The following ATRX variants were observed in gnomAD, a reference collection of about 807,000 sequenced individuals.
ATRX encodes the protein ATRX chromatin remodeler, also known as chromatin remodeler ATRX.
A neutral mutation model predicts 172.6 loss-of-function variants in ATRX; 12 were observed. The ratio of observed to expected loss-of-function variants is 0.07; its 90% CI spans 0.04 to 0.11. The LOEUF (loss-of-function observed/expected upper bound fraction) is 0.11, where lower values mean the gene tolerates loss of function less well. Among genes scored for constraint, ATRX ranks in the 10% least tolerant of loss-of-function variants. ATRX has a pLI of 1.00. For synonymous variants in ATRX, 674 were observed against 594.7 expected, an observed-to-expected ratio of 1.13 and a Z score of -1.94; for missense variants, 1,368 against 1,767.4, an observed-to-expected ratio of 0.77 and a Z score of 4.05.
chrX:77,567,954 T>C (rs112456078), intron 28 of ATRX, among the ~76,000 whole-genome samples: 4 of 111,244 alleles, frequency 3.6e-5, no homozygotes, highest in Admixed American at 9.6e-5. Context: ...AGATGAATTC[T>C]GAAATAAAAA....
chrX:77,604,197 G>T (rs2066805595), intron 22 of ATRX, among the ~76,000 whole-genome samples: 3 of 112,129 alleles, frequency 2.7e-5, no homozygotes. Flanking sequence ...ATAATTAACT[G>T]AGTGAACAAA....
In ATRX at chrX:77,558,652, G is replaced by T. The variant is rs2273322; in HGVS notation, c.6504+17C>A. ...TCACATAAACTTTCAATATGAAAAA[G>T]AGAATTATAAACCTACCTGAGCTAA... On this transcript the variant is annotated intron_variant, in intron 29 of 34. Coordinates refer to ENST00000373344, the MANE Select transcript of ATRX (RefSeq NM_000489.6). 9.3e-5 allele frequency: 107 copies of T among 1,156,329 alleles called. No individual in the cohort carries two copies. In the East Asian group the frequency reaches 3.1e-3, roughly 34 times the overall value.
intron 28 of ATRX, among the ~76,000 whole-genome samples, chrX:77,565,844 AC>A (rs1258105184): frequency 1.8e-5 from 2 of 108,113 alleles, no homozygotes; most frequent in Non-Finnish European, 3.8e-5. Flanking sequence ...CGAGAGTGAG[AC>A]CCTGTCTCAA....
chrX:77,588,783 A>T (rs941863942), intron 27 of ATRX, among the ~76,000 whole-genome samples: 1 of 111,856 alleles, frequency 8.9e-6, no homozygotes, highest in African/African-American at 3.2e-5. Context: ...CAAAAAGATA[A>T]GCAATCCAAT....
intron 1 of ATRX, among the ~76,000 whole-genome samples, chrX:77,719,211 G>T (rs2073611774): frequency 9.0e-6 from 1 of 111,205 alleles, no homozygotes. Flanking sequence ...TCTCATGAGG[G>T]TCTGGTAACC....
At chrX:77,554,460 C>T (rs1557057989) in intron 30 of ATRX, among the ~76,000 whole-genome samples, 2 of 111,808 alleles carry the variant, frequency 1.8e-5, no homozygotes, top group African/African-American at 6.5e-5. Context: ...ACAACAGTCC[C>T]ATTCAAGAAC....
intron 19 of ATRX, among the ~76,000 whole-genome samples, chrX:77,629,876 G>A (rs1362856328): frequency 1.8e-5 from 2 of 112,267 alleles, no homozygotes; most frequent in African/African-American, 6.5e-5. Flanking sequence ...AGAAAAAGAA[G>A]TTGAAGATAT....
At chrX:77,620,735 G>A (rs1312913873) in intron 19 of ATRX, among the ~76,000 whole-genome samples, 4 of 111,470 alleles carry the variant, frequency 3.6e-5, no homozygotes, top group Admixed American at 1.9e-4. Context: ...CCAAATGGTA[G>A]AGCATTGAAA....
chrX:77,717,271 C>CT (rs782641835), intron 1 of ATRX, 28 bp from the exon 2 acceptor site: 4 of 1,059,394 alleles, frequency 3.8e-6, no homozygotes, highest in Non-Finnish European at 5.3e-6. Context: ...AAAGAATTCC[C>CT]TTAATTAGCC....
intron 1 of ATRX, among the ~76,000 whole-genome samples, chrX:77,740,876 G>A (rs1391318815): frequency 9.0e-6 from 1 of 111,068 alleles, no homozygotes; most frequent in African/African-American, 3.3e-5. Context: ...AGCCCTTTGG[G>A]AGGCCGAGGA....
intron 2 of ATRX, among the ~76,000 whole-genome samples, chrX:77,705,409 G>A (rs2072762009): frequency 8.9e-6 from 1 of 112,212 alleles, no homozygotes; most frequent in African/African-American, 3.2e-5. Flanking sequence ...CAACTCTATA[G>A]ACCGTGCAGC....
Position 77,601,479 on chromosome X carries a change from TA to T in ATRX, c.5567-916del, listed in dbSNP as rs577604717. 8.7e-3 allele frequency among the ~76,000 whole-genome samples: 779 copies of T among 89,558 alleles called. 1 individual carries two copies. Among genetic ancestry groups the T allele is most frequent in the African/African-American group, 0.016 (398 of 24,626 alleles). 77.8% of individuals were successfully genotyped at this position (89,558 alleles called of 115,157 possible). On this transcript the variant is annotated intron_variant, in intron 22 of 34. Coordinates refer to ENST00000373344, the MANE Select transcript of ATRX (RefSeq NM_000489.6). ...GATGAAAGAGCAAAACCTTGTCTCT[TA>T]AAAAAAAAAAAAAAAGACCTTCCAA...
rs868945712 is a variant in ATRX at position 77,778,676 on chromosome X, A to G, written c.20+7306T>C. Among the ~76,000 whole-genome samples the G allele has an allele frequency of 5.6e-5, 6 of 107,015 alleles. No individual in the cohort carries two copies. The South Asian group carries it at 1.3e-3, about 23-fold the overall frequency. The allele number at this position is 107,015 out of a possible 115,157, so 92.9% of individuals were successfully genotyped here. A position where few individuals can be genotyped will look rare whatever the true frequency, so the allele number is the denominator to read the frequency against. On this transcript the variant is annotated intron_variant, in intron 1 of 34. Coordinates refer to ENST00000373344, the MANE Select transcript of ATRX (RefSeq NM_000489.6). ...GCGGAGGTTGCAGTGAGCCAAGATC[A>G]TGCCACTGCACTCCAGCCTGGGTGA... is the stretch of plus-strand genomic sequence containing the variant.
At chrX:77,518,809 C>G (rs1253169237) in intron 34 of ATRX, among the ~76,000 whole-genome samples, 1 of 111,693 alleles carries the variant, frequency 9.0e-6, no homozygotes, top group Non-Finnish European at 1.9e-5. Flanking sequence ...AACAGACACA[C>G]AGACCAAGAG....
At chrX:77,561,816 A>G (rs781873241) in intron 28 of ATRX, 2 of 111,624 alleles carry the variant, frequency 1.8e-5, no homozygotes, top group Admixed American at 1.9e-4. Context: ...CAACTTATAT[A>G]ACAACAATAC....
chrX:77,697,681 G>A (rs782726867), intron 3 of ATRX, 46 bp from the exon 4 acceptor site: 19 of 1,106,870 alleles, frequency 1.7e-5, no homozygotes, highest in South Asian at 1.5e-4. Context: ...TTCTCGAAAC[G>A]GCATCCCTAC....
chrX:77,591,699 A>C (rs781835289), intron 26 of ATRX, among the ~76,000 whole-genome samples: 1 of 112,320 alleles, frequency 8.9e-6, no homozygotes, highest in South Asian at 3.7e-4. Flanking sequence ...CAAATGACCA[A>C]GGCCTATGCT....
intron 31 of ATRX, 85 bp downstream of exon 31, chrX:77,523,167 T>C: frequency 9.3e-7 from 1 of 1,072,199 alleles, no homozygotes; most frequent in Non-Finnish European, 1.3e-6. Context: ...TATTATTACC[T>C]GTTTCAAATG....
At chrX:77,668,731 T>A (rs781966242) in intron 10 of ATRX, among the ~76,000 whole-genome samples, 11 of 110,030 alleles carry the variant, frequency 1.0e-4, no homozygotes, top group Non-Finnish European at 1.9e-4. Flanking sequence ...ATACTAAGTC[T>A]TCCAAAGTAC....
Sources: allele counts gnomAD v4.1 joint callset (sites outside exome capture counted in the v4.1 genomes callset), GRCh38; gene constraint gnomAD v4.1.1; transcripts MANE v1.5; gene names NCBI Gene and HGNC (gene_info 2026-07-23, HGNC 2026-07-21).